The following FAM227B variants were observed in gnomAD, a reference collection of about 807,000 sequenced individuals.
FAM227B encodes the protein family with sequence similarity 227 member B.
FAM227B carries 88 observed loss-of-function variants against 73.8 expected under a neutral mutation model. The observed-to-expected ratio is 1.19, with a 90% CI of 1.00 to 1.42. The LOEUF (loss-of-function observed/expected upper bound fraction) is 1.42, where lower values mean the gene tolerates loss of function less well. FAM227B is among the 40% of genes most tolerant of loss of function. The probability of loss-of-function intolerance (pLI) is 0.00; values close to 1 mark genes in which losing one functional copy is unlikely to be tolerated. For synonymous variants in FAM227B, 210 were observed against 190.5 expected, an observed-to-expected ratio of 1.10 and a Z score of -0.84; for missense variants, 632 against 590.9, an observed-to-expected ratio of 1.07 and a Z score of -0.72.
intron 3 of FAM227B, among the ~76,000 whole-genome samples, chr15:49,590,301 T>C (rs543031240): frequency 5.3e-5 from 8 of 152,306 alleles, no homozygotes; most frequent in African/African-American, 1.9e-4. Flanking sequence ...AATGCAACCA[T>C]TAGAATCAGG....
At chr15:49,531,588 G>A (rs2152228065) in intron 10 of FAM227B, among the ~76,000 whole-genome samples, 1 of 152,026 alleles carries the variant, frequency 6.6e-6, no homozygotes, top group African/African-American at 2.4e-5. Context: ...TACAGCTAAT[G>A]CTGCACTTGT....
chr15:49,397,946 G>GCAAAATAAC (rs1246813318), intron 11 of FAM227B, among the ~76,000 whole-genome samples: 1 of 151,826 alleles, frequency 6.6e-6, no homozygotes, highest in East Asian at 1.9e-4. Context: ...CAACTAACCA[G>GCAAAATAAC]CAAAATAACC....
chr15:49,340,540 G>C (rs1423389028), intron 13 of FAM227B, among the ~76,000 whole-genome samples: 1 of 152,074 alleles, frequency 6.6e-6, no homozygotes, highest in African/African-American at 2.4e-5. Context: ...CTTGCTGGAA[G>C]CTGCAGACCA....
intron 11 of FAM227B, among the ~76,000 whole-genome samples, chr15:49,418,769 G>T (rs560634086): frequency 8.0e-5 from 12 of 150,918 alleles, no homozygotes; most frequent in African/African-American, 2.9e-4. Context: ...ATGTACCCCT[G>T]AACCTAAAAG....
intron 11 of FAM227B, among the ~76,000 whole-genome samples, chr15:49,375,775 A>G (rs1243957719): frequency 6.6e-6 from 1 of 152,056 alleles, no homozygotes; most frequent in Non-Finnish European, 1.5e-5. Context: ...TGATATGTAA[A>G]TTTATCTACA....
rs184446591 is a variant in FAM227B at position 49,430,265 on chromosome 15, C to G, written c.1013-58866G>C. Among the ~76,000 whole-genome samples, 4 of 152,008 alleles carry G rather than the reference C, an allele frequency of 2.6e-5. No individual in the cohort carries two copies. In the East Asian group the frequency reaches 7.8e-4, roughly 30 times the overall value. On this transcript the variant is annotated intron_variant, in intron 11 of 15. Coordinates refer to ENST00000299338, the MANE Select transcript of FAM227B (RefSeq NM_152647.3). ...CACAGCCTCACAATGACAGGCAGGT[C>G]TGCATCTCTTCTGACACTTTAAAGT...
chr15:49,514,240 T>C (rs2059229355), intron 10 of FAM227B, among the ~76,000 whole-genome samples: 1 of 152,190 alleles, frequency 6.6e-6, no homozygotes, highest in African/African-American at 2.4e-5. Flanking sequence ...GATAGAATGT[T>C]TTTCCATTTG....
At chr15:49,412,641 T>C (rs910683713) in intron 11 of FAM227B, among the ~76,000 whole-genome samples, 1 of 152,200 alleles carries the variant, frequency 6.6e-6, no homozygotes, top group South Asian at 2.1e-4. Flanking sequence ...CGTCCCATGA[T>C]ATAGTTTGAC....
intron 3 of FAM227B, among the ~76,000 whole-genome samples, chr15:49,597,137 C>A (rs1246664227): frequency 6.6e-6 from 1 of 151,994 alleles, no homozygotes; most frequent in Non-Finnish European, 1.5e-5. Flanking sequence ...CAGATATTTA[C>A]AGAACATACT....
At position 49,337,269 on chromosome 15, in the gene FAM227B, C is replaced by CT. The variant is rs142675277; in HGVS notation, c.1272-1774dup. The stretch of plus-strand genomic sequence containing the variant: ...TTTTAAGTTCTTTGAGAAATCTCAA[C>CT]TACTTTTGACAGTGGCTGAACTAAT... On this transcript the variant is annotated intron_variant, in intron 13 of 15. Coordinates refer to ENST00000299338, the MANE Select transcript of FAM227B (RefSeq NM_152647.3). Among the ~76,000 whole-genome samples the CT allele has an allele frequency of 6.2e-3, 949 of 152,284 alleles. 27 individuals are homozygous for CT. In the East Asian group the frequency reaches 0.064, roughly 10 times the overall value.
In FAM227B at chr15:49,424,604, C is replaced by T. The variant is rs528536819; in HGVS notation, c.1013-53205G>A. ...TTACAGTAAGTAATTTTAAGTACTG[C>T]TCATGAACCTTAGCAATCTGTTAAT... On this transcript the variant is annotated intron_variant, in intron 11 of 15. Coordinates refer to ENST00000299338, the MANE Select transcript of FAM227B (RefSeq NM_152647.3). 5.3e-6 allele frequency: 8 copies of T among 1,519,600 alleles called. No individual in the cohort carries two copies. In the East Asian group the frequency reaches 1.8e-4, roughly 35 times the overall value. The allele number at this position is 1,519,600 out of a possible 1,614,324, so 94.1% of individuals were successfully genotyped here.
intron 11 of FAM227B, among the ~76,000 whole-genome samples, chr15:49,471,532 T>TA (rs1363267249): frequency 1.3e-4 from 18 of 143,130 alleles, no homozygotes; most frequent in East Asian, 9.9e-4. Context: ...ATAATAATAA[T>TA]ATGGCAAATG....
intron 5 of FAM227B, among the ~76,000 whole-genome samples, chr15:49,584,251 CAAAT>C (rs984280552): frequency 1.3e-5 from 2 of 152,026 alleles, no homozygotes; most frequent in African/African-American, 4.8e-5. Flanking sequence ...AAACAAAACT[CAAAT>C]AAAAAAATGA....
At chr15:49,461,290 A>C (rs1279560432) in intron 11 of FAM227B, among the ~76,000 whole-genome samples, 1 of 152,174 alleles carries the variant, frequency 6.6e-6, no homozygotes, top group East Asian at 1.9e-4. Context: ...AGAGCTAACA[A>C]TTTATTTTTT....
intron 11 of FAM227B, among the ~76,000 whole-genome samples, chr15:49,479,599 G>GTTTTTTTTTTTTTT (rs56097665): frequency 6.3e-5 from 4 of 63,292 alleles, no homozygotes; most frequent in African/African-American, 2.5e-4. Context: ...TAATACCTCT[G>GTTTTTTTTTTTTTT]TTTTTTTTTT....
intron 9 of FAM227B, among the ~76,000 whole-genome samples, chr15:49,544,525 C>G (rs965564605): frequency 6.6e-6 from 1 of 152,086 alleles, no homozygotes; most frequent in Non-Finnish European, 1.5e-5. Context: ...ATTGCTCTGG[C>G]TAGGACTGCC....
chr15:49,411,872 A>G (rs2048894152), intron 11 of FAM227B, among the ~76,000 whole-genome samples: 1 of 152,080 alleles, frequency 6.6e-6, no homozygotes, highest in Admixed American at 6.6e-5. Flanking sequence ...GGATATATCA[A>G]TTGTTATGGG....
intron 11 of FAM227B, among the ~76,000 whole-genome samples, chr15:49,495,922 C>T (rs933881822): frequency 2.0e-5 from 3 of 152,052 alleles, no homozygotes; most frequent in African/African-American, 7.2e-5. Context: ...ACTTGGGAGA[C>T]TGAGGCAGAA....
intron 11 of FAM227B, among the ~76,000 whole-genome samples, chr15:49,453,068 T>C (rs2052917821): frequency 6.6e-6 from 1 of 152,110 alleles, no homozygotes; most frequent in African/African-American, 2.4e-5. Context: ...GGAAATGTAA[T>C]TTTTATAAAT....
Sources: allele counts gnomAD v4.1 joint callset (sites outside exome capture counted in the v4.1 genomes callset), GRCh38; gene constraint gnomAD v4.1.1; transcripts MANE v1.5; gene names NCBI Gene and HGNC (gene_info 2026-07-23, HGNC 2026-07-21).